Variants in GRK5 observed in about 807,000 individuals in gnomAD.
The protein encoded by GRK5 is G protein-coupled receptor kinase 5.
GRK5 carries 40 observed loss-of-function variants against 78.4 expected under a neutral mutation model. The ratio of observed to expected loss-of-function variants is 0.51; its 90% CI spans 0.40 to 0.66. The LOEUF is 0.66. Ranked by LOEUF, GRK5 falls within the 30% of genes least tolerant of loss-of-function variation. The pLI is 0.00. For synonymous variants in GRK5, 289 were observed against 296.8 expected (o/e 0.97, Z 0.27); for missense variants, 598 against 759.9 (o/e 0.79, Z 2.50).
chr10:119,400,664 T>A (rs1285206754), intron 4 of GRK5, among the ~76,000 whole-genome samples: 1 of 152,040 alleles, frequency 6.6e-6, no homozygotes. Context: ...GGAAGCCATG[T>A]TGAGGTGGCA....
chr10:119,396,040 C>T (rs1209158952), intron 3 of GRK5, among the ~76,000 whole-genome samples: 1 of 152,234 alleles, frequency 6.6e-6, no homozygotes, highest in Non-Finnish European at 1.5e-5. Context: ...GACCAGGCAT[C>T]CACATTATTG....
Position 119,448,116 on chromosome 10 carries a change from G to C in GRK5, c.1267-7G>C. 1 of 1,542,738 alleles carries C rather than the reference G, an allele frequency of 6.5e-7. No individual in the cohort carries two copies. Among genetic ancestry groups the C allele is most frequent in the Non-Finnish European group, 8.7e-7 (1 of 1,150,926 alleles). ...GGGACGTGGCTTCATGGGGCTCTCTGTTTCAGCTGCTCACGAAAGATGCGA... is the reference window on the plus strand; with the variant it reads ...GGGACGTGGCTTCATGGGGCTCTCTCTTTCAGCTGCTCACGAAAGATGCGA... On this transcript the variant is annotated splice_polypyrimidine_tract_variant and splice_region_variant and intron_variant, in intron 12 of 15. Coordinates refer to ENST00000392870, the MANE Select transcript of GRK5 (RefSeq NM_005308.3).
At chr10:119,426,293 G>T (rs1277125969) in intron 6 of GRK5, among the ~76,000 whole-genome samples, 2 of 152,234 alleles carry the variant, frequency 1.3e-5, no homozygotes, top group Non-Finnish European at 2.9e-5. Flanking sequence ...CCACCTGACT[G>T]GTGGGGATGA....
chr10:119,271,156 C>A lies in GRK5; in HGVS notation c.53-55360C>A, dbSNP rs7090417. On this transcript the variant is annotated intron_variant, in intron 1 of 15. Transcript: ENST00000392870. The surrounding 1 kb of genome is among the most constrained non-coding windows in gnomAD (Gnocchi z 4.1). ...CCAGGACCTGGGGTGGCGCCGGCGC[C>A]GTTAGGGAGGGAGTGTTCACCGGAA... Among the ~76,000 whole-genome samples the A allele has an allele frequency of 1.3e-5, 2 of 151,972 alleles. No homozygotes were observed. Among genetic ancestry groups the A allele is most frequent in the East Asian group, 3.9e-4 (2 of 5,166 alleles).
In GRK5 at chr10:119,217,496, G is replaced by A. The variant is rs778132615; in HGVS notation, c.52+9527G>A. Among the ~76,000 whole-genome samples, 18 of 152,248 alleles carry A rather than the reference G, an allele frequency of 1.2e-4. No individual in the cohort carries two copies. The highest frequency in any genetic ancestry group is 1.9e-4 in the East Asian group (1 of 5,162). On this transcript the variant is annotated intron_variant, in intron 1 of 15. Transcript: ENST00000392870. This position sits in a 1 kb window ranked among gnomAD's most constrained non-coding sequence, Gnocchi z 4.1. ...GGAGGCCCATTACCTGTACTCTCTC[G>A]CTGCCTGGGCCCCTCCTACCAACAC...
At chr10:119,320,293 C>T (rs941819058) in intron 1 of GRK5, among the ~76,000 whole-genome samples, 2 of 152,366 alleles carry the variant, frequency 1.3e-5, no homozygotes. Context: ...AGGTCCCTGA[C>T]ACCACGGGTC....
chr10:119,293,458 A>G lies in GRK5; in HGVS notation c.53-33058A>G, dbSNP rs568516781. Among the ~76,000 whole-genome samples, 31 of 151,834 alleles carry G rather than the reference A, an allele frequency of 2.0e-4. 1 individual carries two copies. The South Asian group carries it at 6.5e-3, about 32-fold the overall frequency. ...AGGAGCAGAGATGGGGTATACAGCA[A>G]GCACTCTGTGTATTAAGTGATTGTT... On this transcript the variant is annotated intron_variant, in intron 1 of 15. Transcript: ENST00000392870.
Position 119,425,065 on chromosome 10 carries a change from C to T in GRK5, c.513C>T (p.Leu171=), listed in dbSNP as rs1236220855. 1.2e-6 allele frequency: 2 copies of T among 1,613,300 alleles called. No individual in the cohort carries two copies. Among genetic ancestry groups the T allele is most frequent in the African/African-American group, 2.7e-5 (2 of 74,864 alleles). ...YLDSMFFDRF[L]QWKWLERQPV... ...ACAGCATGTTTTTTGACCGCTTTCTCCAGTGGAAGTGGTTGGAAAGGTGAG... is the reference window on the plus strand; with the variant it reads ...ACAGCATGTTTTTTGACCGCTTTCTTCAGTGGAAGTGGTTGGAAAGGTGAG... The change falls in exon 6 of 16, where the codon CTC becomes CTT. Residue 171 remains leucine, a synonymous_variant. Transcript: ENST00000392870.
intron 1 of GRK5, among the ~76,000 whole-genome samples, chr10:119,247,014 G>A (rs1343588851): frequency 1.3e-5 from 2 of 152,128 alleles, no homozygotes; most frequent in African/African-American, 2.4e-5. Flanking sequence ...GGTCAGATCC[G>A]TGCCCTGGCC....
chr10:119,251,404 C>T (rs926758926), intron 1 of GRK5, among the ~76,000 whole-genome samples: 5 of 152,194 alleles, frequency 3.3e-5, no homozygotes, highest in Non-Finnish European at 7.3e-5. Context: ...TCTGTGATGC[C>T]TGAGCTTTTC....
chr10:119,389,275 G>A (rs1180721432), intron 3 of GRK5, among the ~76,000 whole-genome samples: 1 of 152,222 alleles, frequency 6.6e-6, no homozygotes, highest in Non-Finnish European at 1.5e-5. Context: ...AAATTTTATT[G>A]TGAAATGATC....
At position 119,452,808 on chromosome 10, in the gene GRK5, G is replaced by A; in HGVS notation, c.1542G>A (p.Glu514=). ...TGSVSIPWQN[E]MIETECFKEL... ...CTGTGTCCATCCCATGGCAAAACGAGGTGAGCAGGGCAGACCACTTGCTTT... is the reference window on the plus strand; with the variant it reads ...CTGTGTCCATCCCATGGCAAAACGAAGTGAGCAGGGCAGACCACTTGCTTT... Residue 514 remains glutamate, a splice_region_variant and synonymous_variant, in exon 14 of 16, where the codon GAG becomes GAA. Transcript: ENST00000392870. The surrounding 1 kb of genome is among the most constrained non-coding windows in gnomAD (Gnocchi z 4.4). 1 of 1,613,646 alleles carries A rather than the reference G, an allele frequency of 6.2e-7. No individual in the cohort carries two copies.
chr10:119,310,560 CT>C (rs202195045), intron 1 of GRK5, among the ~76,000 whole-genome samples: 1 of 151,828 alleles, frequency 6.6e-6, no homozygotes, highest in Non-Finnish European at 1.5e-5. Flanking sequence ...TTGGAAAGAA[CT>C]TTTTTTTTCC....
chr10:119,278,421 C>T (rs941508794), intron 1 of GRK5, among the ~76,000 whole-genome samples: 3 of 152,040 alleles, frequency 2.0e-5, no homozygotes, highest in Admixed American at 1.3e-4. Context: ...AGCTGTGTGG[C>T]GAGTCCCTTA....
rs140085995 is a variant in GRK5, at chr10:119,436,511, G to A, written c.739-140G>A. 5.5e-4 allele frequency: 434 copies of A among 791,396 alleles called. 2 individuals carry two copies. The African/African-American group carries it at 6.1e-3, about 11-fold the overall frequency. 49.0% of individuals were successfully genotyped at this position (791,396 alleles called of 1,614,324 possible). On this transcript the variant is annotated intron_variant, in intron 8 of 15. Coordinates refer to ENST00000392870, the MANE Select transcript of GRK5 (RefSeq NM_005308.3). Reference sequence around the variant, plus strand: ...CAAGGAGGCCGCAGGCAGGGTCACCGCAGAGGCCATCTGGGTGCAGGGGAG... The same window carrying A: ...CAAGGAGGCCGCAGGCAGGGTCACCACAGAGGCCATCTGGGTGCAGGGGAG...
In GRK5 at chr10:119,271,328, G is replaced by C. The variant is rs976955411; in HGVS notation, c.53-55188G>C. Among the ~76,000 whole-genome samples, 10 of 152,194 alleles carry C rather than the reference G, an allele frequency of 6.6e-5. No individual in the cohort carries two copies. The highest frequency in any genetic ancestry group is 6.5e-4 in the Admixed American group (10 of 15,276). On this transcript the variant is annotated intron_variant, in intron 1 of 15. Coordinates refer to ENST00000392870, the MANE Select transcript of GRK5 (RefSeq NM_005308.3). This position sits in a 1 kb window ranked among gnomAD's most constrained non-coding sequence, Gnocchi z 4.1. ...AACACAATCAAGGGTCTGCAGGTTT[G>C]GGAACTCCAAGGCAGTTTCTCTTTA...
chr10:119,446,042 G>GC (rs765275457), intron 12 of GRK5, among the ~76,000 whole-genome samples: 8 of 152,018 alleles, frequency 5.3e-5, no homozygotes, highest in Admixed American at 4.6e-4. Flanking sequence ...CTGGGCCTTA[G>GC]CCCCCCTCCA....
rs1851673382 is a variant in GRK5 at position 119,379,167 on chromosome 10, C to T, written c.149-1648C>T. 1.3e-5 allele frequency among the ~76,000 whole-genome samples: 2 copies of T among 152,292 alleles called. No individual in the cohort carries two copies. Among genetic ancestry groups the T allele is most frequent in the South Asian group, 4.1e-4 (2 of 4,826 alleles). ...TGAGAAATGGGGTTTATTAATGTGC[C>T]AGCATCTGGTCTGAGTGGTTTCTAT... On this transcript the variant is annotated intron_variant, in intron 2 of 15. Transcript: ENST00000392870. This position sits in a 1 kb window ranked among gnomAD's most constrained non-coding sequence, Gnocchi z 4.1.
chr10:119,372,888 AATT>A (rs1449867659), intron 2 of GRK5, among the ~76,000 whole-genome samples: 6 of 152,188 alleles, frequency 3.9e-5, no homozygotes, highest in African/African-American at 1.4e-4. Flanking sequence ...TCACCCAAAG[AATT>A]ATTATAGGGG....
Sources: gnomAD v4.1 joint callset for allele counts (sites outside exome capture counted in the v4.1 genomes callset) on GRCh38, gnomAD v4.1.1 for gene constraint, Gnocchi (gnomAD v3.1) non-coding constraint, MANE v1.5 for transcripts, NCBI Gene and HGNC (gene_info 2026-07-23, HGNC 2026-07-21) for gene names.